The following HMGA2 variants were observed in gnomAD, a reference collection of about 807,000 sequenced individuals.
HMGA2 encodes high mobility group protein HMGI-C.
A neutral mutation model predicts 19.1 loss-of-function variants in HMGA2; 8 were observed. That is an observed-to-expected ratio of 0.42 (90% CI 0.25 to 0.76). HMGA2 has a LOEUF of 0.76. Ranked by LOEUF, HMGA2 falls within the 30% of genes least tolerant of loss-of-function variation. HMGA2 has a pLI of 0.28. For synonymous variants in HMGA2, 60 were observed against 48.8 expected, an observed-to-expected ratio of 1.23 and a Z score of -0.96; for missense variants, 109 against 136.3, an observed-to-expected ratio of 0.80 and a Z score of 1.00.
chr12:65,874,298 G>T (rs1035368329), intron 3 of HMGA2: 5 of 151,460 alleles, frequency 3.3e-5, no homozygotes, highest in African/African-American at 1.2e-4. Flanking sequence ...GTAATACACA[G>T]AATTTAAAGC....
At chr12:65,961,062 G>A (rs1337493243) in intron 4 of HMGA2, among the ~76,000 whole-genome samples, 1 of 152,202 alleles carries the variant, frequency 6.6e-6, no homozygotes, top group African/African-American at 2.4e-5. Flanking sequence ...CAAACAGTTA[G>A]AAATTGAATA....
At chr12:65,833,232 G>A (rs1367489661) in intron 2 of HMGA2, among the ~76,000 whole-genome samples, 1 of 152,092 alleles carries the variant, frequency 6.6e-6, no homozygotes. Flanking sequence ...TCAGTACTTA[G>A]TGGGATTGAT....
At position 65,963,294 on chromosome 12, in the gene HMGA2, G is replaced by A. The variant is rs200916173; in HGVS notation, c.*2G>A. On this transcript the variant is annotated 3_prime_UTR_variant, in exon 5 of 5. Transcript: ENST00000403681. ...CAAGAGTCTGCCGAAGAGGACTAGG[G>A]GGCGCCAACGTTCGATTTCTACCTC... 6.4e-5 allele frequency: 104 copies of A among 1,613,336 alleles called. No homozygotes were observed. The African/African-American group carries it at 1.1e-3, about 17-fold the overall frequency.
chr12:65,845,161 G>GT (rs1871179463), intron 3 of HMGA2, among the ~76,000 whole-genome samples: 2 of 152,166 alleles, frequency 1.3e-5, no homozygotes, highest in African/African-American at 4.8e-5. Flanking sequence ...AATATGCCAC[G>GT]TTTTTTTAAC....
In HMGA2 at chr12:65,963,938, G is replaced by C. The variant is rs537303655; in HGVS notation, c.*646G>C. 4.7e-6 allele frequency: 1 copy of C among 210,762 alleles called. No individual in the cohort carries two copies. The highest frequency in any genetic ancestry group is 2.3e-5 in the African/African-American group (1 of 44,216). The allele number at this position is 210,762 out of a possible 1,614,324, so 13.1% of individuals were successfully genotyped here. On this transcript the variant is annotated 3_prime_UTR_variant, in exon 5 of 5. Transcript: ENST00000403681. ...TTCATTCAGCTAACAAACTAGAAAA[G>C]GTTATGTTCATTTTTCAAAAAGGGA... is the stretch of plus-strand genomic sequence containing the variant.
intron 3 of HMGA2, among the ~76,000 whole-genome samples, chr12:65,874,570 T>C (rs1470252659): frequency 6.6e-6 from 1 of 152,194 alleles, no homozygotes; most frequent in Non-Finnish European, 1.5e-5. Flanking sequence ...GGTGCCTCTC[T>C]AGGGTTGTTG....
At chr12:65,910,258 G>C (rs1189637877) in intron 3 of HMGA2, among the ~76,000 whole-genome samples, 2 of 152,086 alleles carry the variant, frequency 1.3e-5, no homozygotes, top group African/African-American at 2.4e-5. Context: ...TCTTAATTCA[G>C]TCATTGCCTA....
At chr12:65,939,106 ATATTTACTTCTT>A (rs1875997034) in intron 3 of HMGA2, among the ~76,000 whole-genome samples, 1 of 152,162 alleles carries the variant, frequency 6.6e-6, no homozygotes, top group South Asian at 2.1e-4. Context: ...CCTTTTTTGA[ATATTTACTTCTT>A]CCAGAAGACT....
intron 4 of HMGA2, among the ~76,000 whole-genome samples, chr12:65,959,938 G>A (rs184502181): frequency 1.2e-4 from 19 of 152,038 alleles, no homozygotes; most frequent in Admixed American, 1.2e-3. Flanking sequence ...CGCCCAGGCT[G>A]GAGTGCAGTG....
chr12:65,899,159 G>T (rs1874270783), intron 3 of HMGA2, among the ~76,000 whole-genome samples: 1 of 151,490 alleles, frequency 6.6e-6, no homozygotes, highest in Non-Finnish European at 1.5e-5. Flanking sequence ...GGCACTGACT[G>T]TGTTCATCCT....
At chr12:65,850,253 T>C (rs1174968191) in intron 3 of HMGA2, among the ~76,000 whole-genome samples, 3 of 152,176 alleles carry the variant, frequency 2.0e-5, no homozygotes, top group East Asian at 1.9e-4. Context: ...TGGAGATCAG[T>C]TGGGATCCTT....
At chr12:65,868,529 A>G (rs535603888) in intron 3 of HMGA2, among the ~76,000 whole-genome samples, 1 of 152,142 alleles carries the variant, frequency 6.6e-6, no homozygotes, top group African/African-American at 2.4e-5. Context: ...TGAGGCAATG[A>G]GTCACCTCAC....
At chr12:65,947,043 C>T (rs1416237909) in intron 3 of HMGA2, among the ~76,000 whole-genome samples, 2 of 152,096 alleles carry the variant, frequency 1.3e-5, no homozygotes, top group Non-Finnish European at 2.9e-5. Context: ...GAACTACTCA[C>T]TGAAATCCAT....
At chr12:65,849,652 C>T (rs1452092878) in intron 3 of HMGA2, among the ~76,000 whole-genome samples, 2 of 151,004 alleles carry the variant, frequency 1.3e-5, no homozygotes, top group Non-Finnish European at 2.9e-5. Flanking sequence ...AGCTTAATGA[C>T]ATTGTTTGGA....
intron 3 of HMGA2, among the ~76,000 whole-genome samples, chr12:65,848,712 CG>C (rs1250836076): frequency 6.6e-6 from 1 of 151,932 alleles, no homozygotes; most frequent in Non-Finnish European, 1.5e-5. Flanking sequence ...AAAAATTAGC[CG>C]GGCGCGGTGG....
intron 3 of HMGA2, chr12:65,857,500 T>C (rs551755645): frequency 6.6e-6 from 1 of 152,236 alleles, no homozygotes; most frequent in Admixed American, 6.5e-5. Flanking sequence ...TAATGGTGTG[T>C]ATTCAATTTT....
intron 3 of HMGA2, chr12:65,842,955 T>C (rs2272047): frequency 0.096 from 92,620 of 964,188 alleles, 13,840 homozygotes; most frequent in African/African-American, 0.6. Flanking sequence ...TGCTTAGTGA[T>C]GCAGCTAGTG....
intron 3 of HMGA2, among the ~76,000 whole-genome samples, chr12:65,895,056 A>T (rs1175682286): frequency 6.6e-6 from 1 of 152,218 alleles, no homozygotes; most frequent in Non-Finnish European, 1.5e-5. Context: ...TTGCAAAGCA[A>T]TAAAGAAACC....
At position 65,843,369 on chromosome 12, in the gene HMGA2, G is replaced by A. The variant is rs543994372; in HGVS notation, c.249+4800G>A. On this transcript the variant is annotated intron_variant, in intron 3 of 4. Transcript: ENST00000403681. The stretch of plus-strand genomic sequence containing the variant: ...TTATTAAAGAGCTTGTGATACACAG[G>A]AAAGTGATGTAATTTTATATATTAG... 280 of 206,372 alleles carry A rather than the reference G, an allele frequency of 1.4e-3. 3 individuals are homozygous for A. In the South Asian group the frequency reaches 0.022, roughly 16 times the overall value. 12.8% of individuals were successfully genotyped at this position (206,372 alleles called of 1,614,324 possible).
Sources: gnomAD v4.1 joint callset for allele counts (sites outside exome capture counted in the v4.1 genomes callset) on GRCh38, gnomAD v4.1.1 for gene constraint, MANE v1.5 for transcripts, NCBI Gene and HGNC (gene_info 2026-07-23, HGNC 2026-07-21) for gene names.